The following PDE10A variants were observed in gnomAD, a reference collection of about 807,000 sequenced individuals.
PDE10A encodes phosphodiesterase 10A.
Under a neutral mutation model 97.7 loss-of-function variants are expected in PDE10A, and 39 were observed. That is an observed-to-expected ratio of 0.40 (90% confidence interval 0.31 to 0.52). The LOEUF (loss-of-function observed/expected upper bound fraction) is 0.52. Ranked by LOEUF, PDE10A falls within the 20% of genes least tolerant of loss-of-function variation. The pLI is 0.56. For synonymous variants in PDE10A, 371 were observed against 376.8 expected (o/e 0.98, Z 0.18); for missense variants, 731 against 1,047.8 (o/e 0.70, Z 4.17).
chr6:165,847,652 T>G (rs1337660470), intron 1 of PDE10A, among the ~76,000 whole-genome samples: 3 of 152,246 alleles, frequency 2.0e-5, no homozygotes, highest in Non-Finnish European at 4.4e-5. Flanking sequence ...TGACGTCATT[T>G]CTGATAACGT....
chr6:165,656,754 C>T (rs1417917668), intron 1 of PDE10A, among the ~76,000 whole-genome samples: 1 of 152,214 alleles, frequency 6.6e-6, no homozygotes, highest in African/African-American at 2.4e-5. Flanking sequence ...TGCCTCTTCA[C>T]ACCTTGTGAA....
intron 1 of PDE10A, among the ~76,000 whole-genome samples, chr6:165,544,923 G>A (rs967644939): frequency 2.8e-5 from 4 of 144,954 alleles, no homozygotes; most frequent in African/African-American, 1.0e-4. Flanking sequence ...AGCCCCAGTG[G>A]TGTAAAATTC....
intron 3 of PDE10A, among the ~76,000 whole-genome samples, chr6:165,451,192 C>T (rs998248477): frequency 2.0e-5 from 3 of 152,164 alleles, no homozygotes; most frequent in African/African-American, 7.2e-5. Flanking sequence ...ACTGTCCCCA[C>T]AGCAGCAGCC....
At chr6:165,808,337 C>A (rs1779192097) in intron 1 of PDE10A, among the ~76,000 whole-genome samples, 1 of 152,198 alleles carries the variant, frequency 6.6e-6, no homozygotes, top group Admixed American at 6.5e-5. Context: ...GCTGAACTGG[C>A]TCTGTGCTCC....
chr6:165,773,724 G>C (rs1778082286), intron 1 of PDE10A, among the ~76,000 whole-genome samples: 2 of 152,178 alleles, frequency 1.3e-5, no homozygotes, highest in Non-Finnish European at 1.5e-5. Flanking sequence ...AATTAGGAAA[G>C]AGAGTTTCCT....
chr6:165,690,581 T>A (rs1791244472), intron 1 of PDE10A, among the ~76,000 whole-genome samples: 1 of 152,154 alleles, frequency 6.6e-6, no homozygotes, highest in Non-Finnish European at 1.5e-5. Flanking sequence ...CCAAACTTGA[T>A]GATGGGTTGG....
chr6:165,475,333 A>T (rs1342533195), intron 3 of PDE10A, among the ~76,000 whole-genome samples: 1 of 152,160 alleles, frequency 6.6e-6, no homozygotes, highest in African/African-American at 2.4e-5. Flanking sequence ...TATGAAGAAA[A>T]CACTGGCTAC....
At chr6:165,916,656 T>G (rs1278791788) in intron 1 of PDE10A, among the ~76,000 whole-genome samples, 2 of 152,240 alleles carry the variant, frequency 1.3e-5, no homozygotes, top group Non-Finnish European at 2.9e-5. Context: ...TTTCATTTAT[T>G]TCATTTATTG....
intron 1 of PDE10A, among the ~76,000 whole-genome samples, chr6:165,829,319 T>A (rs1410278577): frequency 1.3e-5 from 2 of 152,222 alleles, no homozygotes; most frequent in Non-Finnish European, 2.9e-5. Context: ...TGGTAACCAT[T>A]AAGGGGCTCA....
At chr6:165,782,628 C>T (rs1054504311) in intron 1 of PDE10A, among the ~76,000 whole-genome samples, 1 of 152,232 alleles carries the variant, frequency 6.6e-6, no homozygotes, top group Non-Finnish European at 1.5e-5. Context: ...ACTCTGTTAA[C>T]ACAATCTGTC....
chr6:165,440,879 CACAA>C (rs1790393760), intron 5 of PDE10A, among the ~76,000 whole-genome samples: 1 of 151,944 alleles, frequency 6.6e-6, no homozygotes, highest in Admixed American at 6.6e-5. Flanking sequence ...TTTCAGCTTT[CACAA>C]ACAACTCTGA....
chr6:165,844,520 C>T (rs939992346), intron 1 of PDE10A, among the ~76,000 whole-genome samples: 1 of 152,174 alleles, frequency 6.6e-6, no homozygotes, highest in Admixed American at 6.5e-5. Flanking sequence ...ACTTAACACC[C>T]TCTAATTGAA....
intron 19 of PDE10A, among the ~76,000 whole-genome samples, chr6:165,342,762 A>G (rs562386230): frequency 2.0e-5 from 3 of 152,344 alleles, no homozygotes; most frequent in South Asian, 4.1e-4. Context: ...GGATGGGAGA[A>G]TGATATTCTA....
chr6:165,730,595 T>C (rs768826085), intron 1 of PDE10A, among the ~76,000 whole-genome samples: 7 of 150,002 alleles, frequency 4.7e-5, no homozygotes, highest in Non-Finnish European at 8.9e-5. Flanking sequence ...CCACTAAAAA[T>C]ATAAAAAATT....
chr6:165,906,585 G>A (rs1782292802), intron 1 of PDE10A, among the ~76,000 whole-genome samples: 2 of 152,190 alleles, frequency 1.3e-5, no homozygotes, highest in Admixed American at 1.3e-4. Context: ...TTAGGACAAA[G>A]CAAGGTGAAA....
intron 1 of PDE10A, among the ~76,000 whole-genome samples, chr6:165,725,484 C>A: frequency 6.6e-6 from 1 of 152,186 alleles, no homozygotes; most frequent in Non-Finnish European, 1.5e-5. Flanking sequence ...TAGAAGCAAG[C>A]CACAACCCCA....
intron 2 of PDE10A, among the ~76,000 whole-genome samples, chr6:165,509,167 G>A (rs150179603): frequency 0.048 from 7,323 of 151,904 alleles, 274 homozygotes; most frequent in South Asian, 0.09. Context: ...CAATATTTAT[G>A]AGGTATATAT....
intron 1 of PDE10A, among the ~76,000 whole-genome samples, chr6:165,785,335 C>G (rs529852964): frequency 6.6e-6 from 1 of 152,286 alleles, no homozygotes; most frequent in African/African-American, 2.4e-5. Flanking sequence ...AGACTATGGA[C>G]AGAATTTCTG....
intron 1 of PDE10A, among the ~76,000 whole-genome samples, chr6:165,621,796 A>G (rs1788152262): frequency 6.6e-6 from 1 of 151,892 alleles, no homozygotes; most frequent in Non-Finnish European, 1.5e-5. Context: ...GAAACACAGG[A>G]TTGACATAAA....
Sources: allele counts gnomAD v4.1 joint callset (sites outside exome capture counted in the v4.1 genomes callset), GRCh38; gene constraint gnomAD v4.1.1; transcripts MANE v1.5; gene names NCBI Gene and HGNC (gene_info 2026-07-23, HGNC 2026-07-21).